The following PHIP variants were observed in gnomAD, a reference collection of about 807,000 sequenced individuals.
PHIP encodes the protein PHIP subunit of CUL4-Ring ligase complex, also known as PH-interacting protein.
A neutral mutation model predicts 236.8 loss-of-function variants in PHIP; 54 were observed. The ratio of observed to expected loss-of-function variants is 0.23; its 90% CI spans 0.18 to 0.29. PHIP has a LOEUF of 0.29. Ranked by LOEUF, PHIP falls within the 10% of genes least tolerant of loss-of-function variation. The pLI is 1.00. For missense variants in PHIP, 1,370 were observed against 2,190.8 expected, an observed-to-expected ratio of 0.63 and a Z score of 7.48; for synonymous variants, 756 against 718.9, an observed-to-expected ratio of 1.05 and a Z score of -0.83.
intron 24 of PHIP, among the ~76,000 whole-genome samples, chr6:78,975,558 C>G (rs1428444821): frequency 6.6e-6 from 1 of 152,184 alleles, no homozygotes; most frequent in East Asian, 1.9e-4. Flanking sequence ...AAAGGGTATT[C>G]AATTAGGAAA....
intron 6 of PHIP, among the ~76,000 whole-genome samples, chr6:79,059,226 A>T (rs1773231172): frequency 6.6e-6 from 1 of 152,058 alleles, no homozygotes; most frequent in Non-Finnish European, 1.5e-5. Flanking sequence ...TAAGTCCCAT[A>T]GGAAAGGAGA....
chr6:78,946,630 G>A, intron 37 of PHIP, 81 bp downstream of exon 37: 3 of 1,468,102 alleles, frequency 2.0e-6, no homozygotes, highest in Non-Finnish European at 2.7e-6. Context: ...GAATAGTAAA[G>A]GAAGTATTAA....
chr6:79,054,520 T>G (rs1374816100), intron 6 of PHIP, among the ~76,000 whole-genome samples: 1 of 150,206 alleles, frequency 6.7e-6, no homozygotes, highest in Non-Finnish European at 1.5e-5. Context: ...AGTAAGAAAA[T>G]GGAAAGAAAA....
At chr6:78,941,521 A>G (rs976261860) in intron 39 of PHIP, among the ~76,000 whole-genome samples, 191 bp from the exon 40 acceptor site, 1 of 147,572 alleles carries the variant, frequency 6.8e-6, no homozygotes, top group Non-Finnish European at 1.5e-5. Context: ...ATTAAAAGAG[A>G]CAGATTCTTA....
chr6:79,013,362 T>C (rs193214439), intron 15 of PHIP, among the ~76,000 whole-genome samples: 39 of 151,906 alleles, frequency 2.6e-4, no homozygotes, highest in Non-Finnish European at 5.0e-4. Context: ...TGCAATTCTA[T>C]GAATACTATC....
At chr6:78,947,082 C>G (rs2127683127) in intron 36 of PHIP, among the ~76,000 whole-genome samples, 1 of 152,116 alleles carries the variant, frequency 6.6e-6, no homozygotes, top group East Asian at 1.9e-4. Flanking sequence ...AGAAATCTTC[C>G]AAGTTTTGAG....
chr6:78,944,218 C>T (rs1773677707), intron 39 of PHIP, among the ~76,000 whole-genome samples: 2 of 152,026 alleles, frequency 1.3e-5, no homozygotes, highest in African/African-American at 2.4e-5. Flanking sequence ...GTAAAAGAAC[C>T]TGGAATGTTA....
Position 78,941,098 on chromosome 6 carries a change from A to C in PHIP, c.5061T>G (p.Leu1687=), listed in dbSNP as rs747724327. The C allele has an allele frequency of 2.5e-6, 4 of 1,613,764 alleles. No homozygotes were observed. The highest frequency in any genetic ancestry group is 3.4e-6 in the Non-Finnish European group (4 of 1,179,674). Residue 1687 remains leucine, a synonymous_variant, in exon 40 of 40, where the codon CTT becomes CTG. Coordinates refer to ENST00000275034, the MANE Select transcript of PHIP (RefSeq NM_017934.7). ...NNVHPIRDEV[L]PSSTCNFLSE... is the part of the protein sequence containing the mutation. ...AAAGAAAATTGCATGTTGAAGAAGGAAGTACTTCATCTCTGATGGGATGCA... is the reference window on the plus strand; with the variant it reads ...AAAGAAAATTGCATGTTGAAGAAGGCAGTACTTCATCTCTGATGGGATGCA...
chr6:78,954,178 T>C (rs576190175), intron 35 of PHIP, among the ~76,000 whole-genome samples: 22 of 152,082 alleles, frequency 1.4e-4, no homozygotes, highest in African/African-American at 5.1e-4. Context: ...CTCGGCTCAC[T>C]GCAAGCTCCA....
chr6:78,951,304 T>TA (rs1305323802), intron 35 of PHIP, among the ~76,000 whole-genome samples: 1 of 152,202 alleles, frequency 6.6e-6, no homozygotes, highest in African/African-American at 2.4e-5. Context: ...GTATAGTACA[T>TA]AATAGCTGCT....
At chr6:79,003,967 G>T in intron 15 of PHIP, 109 bp from the exon 16 acceptor site, 1 of 649,722 alleles carries the variant, frequency 1.5e-6, no homozygotes, top group Non-Finnish European at 2.5e-6. Flanking sequence ...ATGAAGTGAA[G>T]ATTAAGTAAA....
chr6:78,971,023 C>T (rs1340927512), intron 24 of PHIP, 135 bp from the exon 25 acceptor site: 7 of 618,114 alleles, frequency 1.1e-5, no homozygotes, highest in Admixed American at 3.5e-5. Flanking sequence ...TCTCCCTCCT[C>T]CTTTCTCTCA....
chr6:78,991,338 G>C (rs2127724226), intron 19 of PHIP, among the ~76,000 whole-genome samples: 1 of 146,526 alleles, frequency 6.8e-6, no homozygotes, highest in African/African-American at 2.5e-5. Context: ...TAGGGCCTAT[G>C]CTTTGATAAT....
chr6:78,992,930 C>T (rs1015603376), intron 19 of PHIP, among the ~76,000 whole-genome samples: 1 of 152,198 alleles, frequency 6.6e-6, no homozygotes, highest in Non-Finnish European at 1.5e-5. Context: ...AAATCTGAGA[C>T]AGGCTGAAAG....
chr6:79,057,378 G>T (rs1773127426), intron 6 of PHIP, among the ~76,000 whole-genome samples: 1 of 152,042 alleles, frequency 6.6e-6, no homozygotes, highest in African/African-American at 2.4e-5. Context: ...CACCAATATT[G>T]GCTTAGTAGT....
rs576116128 is a variant in PHIP at position 79,005,236 on chromosome 6, T to C, written c.1525-1378A>G. On this transcript the variant is annotated intron_variant, in intron 15 of 39. Transcript: ENST00000275034. ...GATTATATCTCGAGTGTGAAGAAAG[T>C]TGGAGGATGATAAGATAGGAGAAGA... 4.0e-5 allele frequency among the ~76,000 whole-genome samples: 6 copies of C among 151,756 alleles called. No homozygotes were observed. In the East Asian group the frequency reaches 1.2e-3, roughly 29 times the overall value.
intron 4 of PHIP, among the ~76,000 whole-genome samples, chr6:79,075,896 T>C (rs535067744): frequency 2.6e-5 from 4 of 152,110 alleles, no homozygotes; most frequent in Non-Finnish European, 5.9e-5. Context: ...TTTTCAAATA[T>C]CAAGGAAGAC....
rs768809329 is a variant in PHIP, at chr6:79,025,558, A to G, written c.884T>C (p.Ile295Thr). The G allele has an allele frequency of 6.2e-7, 1 of 1,612,080 alleles. No individual in the cohort carries two copies. The highest frequency in any genetic ancestry group is 1.7e-5 in the Admixed American group (1 of 60,014). Reference sequence around the variant, plus strand: ...TCCAGCATCCCAGAGCCAAAAACAAATAGTGCCATCTGCCCCAGTAGAAGA... The same window carrying G: ...TCCAGCATCCCAGAGCCAAAAACAAGTAGTGCCATCTGCCCCAGTAGAAGA... ...YLSSTGADGTICFWLWDAGTL... is the reference protein window; with the variant it reads ...YLSSTGADGTTCFWLWDAGTL... The change falls in exon 9 of 40, where the codon ATT (isoleucine) becomes ACT (threonine). Residue 295 changes from isoleucine to threonine, a missense_variant. Transcript: ENST00000275034.
At chr6:79,043,685 A>G (rs2127760880) in intron 6 of PHIP, among the ~76,000 whole-genome samples, 1 of 152,160 alleles carries the variant, frequency 6.6e-6, no homozygotes, top group East Asian at 1.9e-4. Context: ...CATTGACTCC[A>G]GCTGAAAATG....
Sources: gnomAD v4.1 joint callset for allele counts (sites outside exome capture counted in the v4.1 genomes callset) on GRCh38, gnomAD v4.1.1 for gene constraint, MANE v1.5 for transcripts, NCBI Gene and HGNC (gene_info 2026-07-23, HGNC 2026-07-21) for gene names.